PIP4K2B: variants seen among roughly 807,000 people sequenced by gnomAD.
PIP4K2B encodes phosphatidylinositol 5-phosphate 4-kinase type-2 beta.
Under a neutral mutation model 42.0 loss-of-function variants are expected in PIP4K2B, and 3 were observed. The observed-to-expected ratio is 0.07, with a 90% CI of 0.03 to 0.18. PIP4K2B has a LOEUF of 0.18. PIP4K2B is among the 10% of genes least tolerant of loss of function. The pLI, the probability that PIP4K2B is intolerant of heterozygous loss-of-function variation, is 1.00. For synonymous variants in PIP4K2B, 204 were observed against 210.1 expected (o/e 0.97, Z 0.25); for missense variants, 332 against 562.3 (o/e 0.59, Z 4.14).
At chr17:38,783,206 A>AG (rs1449659554) in intron 3 of PIP4K2B, among the ~76,000 whole-genome samples, 1 of 151,152 alleles carries the variant, frequency 6.6e-6, no homozygotes, top group East Asian at 1.9e-4. Flanking sequence ...AAAAAAAAAA[A>AG]AAAAAAAAAA....
intron 1 of PIP4K2B, among the ~76,000 whole-genome samples, chr17:38,798,284 G>C (rs1429487178): frequency 6.6e-6 from 1 of 152,148 alleles, no homozygotes; most frequent in Admixed American, 6.5e-5. Context: ...CTCATTCCTA[G>C]TGTGGGGATT....
In PIP4K2B at chr17:38,770,532, G is replaced by C. The variant is rs754092192; in HGVS notation, c.1074C>G (p.Pro358=). 1.6e-5 allele frequency: 26 copies of C among 1,583,334 alleles called. No individual in the cohort carries two copies. The highest frequency in any genetic ancestry group is 2.3e-5 in the Non-Finnish European group (26 of 1,152,858). ...TGGCCATGAAATACACCTCCTTCTT[G>C]GGGGAACCTGGAGGGACAAGGAGAG... ...VYAMKSHESS[P]KKEVYFMAII... Residue 358 remains proline, a synonymous_variant, in exon 9 of 10, where the codon CCC becomes CCG. Coordinates refer to ENST00000619039, the MANE Select transcript of PIP4K2B (RefSeq NM_003559.5).
intron 3 of PIP4K2B, among the ~76,000 whole-genome samples, chr17:38,783,068 G>T (rs572366706): frequency 6.6e-6 from 1 of 151,638 alleles, no homozygotes; most frequent in African/African-American, 2.4e-5. Context: ...GGTGGTGGGC[G>T]CCTGTAATCC....
intron 1 of PIP4K2B, among the ~76,000 whole-genome samples, chr17:38,795,446 C>A (rs1910605238): frequency 6.6e-6 from 1 of 152,014 alleles, no homozygotes; most frequent in Non-Finnish European, 1.5e-5. Context: ...GTCTCTACAA[C>A]AACAACAAAA....
intron 7 of PIP4K2B, among the ~76,000 whole-genome samples, chr17:38,773,629 G>GTTC (rs1417016764): frequency 6.6e-6 from 1 of 152,178 alleles, no homozygotes; most frequent in Non-Finnish European, 1.5e-5. Context: ...GGTCCTAACA[G>GTTC]AGAACTAGGA....
intron 7 of PIP4K2B, among the ~76,000 whole-genome samples, chr17:38,773,313 G>T (rs1481477685): frequency 6.6e-6 from 1 of 152,098 alleles, no homozygotes; most frequent in African/African-American, 2.4e-5. Flanking sequence ...AAGAATGGCA[G>T]CCAGAACCAA....
At chr17:38,784,023 G>T (rs59958314) in intron 3 of PIP4K2B, among the ~76,000 whole-genome samples, 3,583 of 152,334 alleles carry the variant, frequency 0.024, 151 homozygotes, top group African/African-American at 0.082. Flanking sequence ...CTCTGAGGGA[G>T]AGGAACCTGA....
chr17:38,778,494 G>A, intron 5 of PIP4K2B, 122 bp from the exon 6 acceptor site: 1 of 847,796 alleles, frequency 1.2e-6, no homozygotes, highest in Non-Finnish European at 2.0e-6. Context: ...GGGCCAGGAG[G>A]CAGCACCTTG....
chr17:38,767,376 C>T lies in PIP4K2B; in HGVS notation c.*2315G>A, dbSNP rs532818833. On this transcript the variant is annotated 3_prime_UTR_variant, in exon 10 of 10. Transcript: ENST00000619039. ...ACTCAAGGTTTTGAAGATAGCACAG[C>T]GAATGACCTTTAAAAAAAAAAATTG... 1.4e-5 allele frequency: 2 copies of T among 145,348 alleles called. No individual in the cohort carries two copies. Among genetic ancestry groups the T allele is most frequent in the African/African-American group, 2.6e-5 (1 of 38,968 alleles). 9.0% of individuals were successfully genotyped at this position (145,348 alleles called of 1,614,324 possible). A position where few individuals can be genotyped will look rare whatever the true frequency, so the allele number is the denominator to read the frequency against.
chr17:38,780,329 T>C (rs748461781), intron 4 of PIP4K2B, 123 bp downstream of exon 4: 36 of 751,552 alleles, frequency 4.8e-5, no homozygotes, highest in Non-Finnish European at 7.6e-5. Context: ...GTCCCACTGC[T>C]TGGTGATCAG....
chr17:38,775,838 C>G (rs1909308536), intron 7 of PIP4K2B, among the ~76,000 whole-genome samples: 1 of 151,928 alleles, frequency 6.6e-6, no homozygotes, highest in Non-Finnish European at 1.5e-5. Context: ...AGCCTGGCAA[C>G]AGAGCGAGAC....
chr17:38,794,117 G>A (rs1459056390), intron 1 of PIP4K2B, among the ~76,000 whole-genome samples: 1 of 152,154 alleles, frequency 6.6e-6, no homozygotes, highest in African/African-American at 2.4e-5. Context: ...AAGAAAATGT[G>A]GTATACATAT....
intron 7 of PIP4K2B, among the ~76,000 whole-genome samples, chr17:38,773,007 C>T (rs1001232705): frequency 6.6e-6 from 1 of 152,286 alleles, no homozygotes; most frequent in Middle Eastern, 3.4e-3. Context: ...AAAAAATTCA[C>T]GCATAGTATA....
chr17:38,769,795 C>T, intron 9 of PIP4K2B, 24 bp from the exon 10 acceptor site: 2 of 1,613,120 alleles, frequency 1.2e-6, no homozygotes, highest in Non-Finnish European at 1.7e-6. Flanking sequence ...GAGGCTGATT[C>T]AGGTTGAGTT....
intron 1 of PIP4K2B, among the ~76,000 whole-genome samples, chr17:38,798,201 C>T (rs544663940): frequency 3.3e-5 from 5 of 152,308 alleles, no homozygotes; most frequent in African/African-American, 1.2e-4. Flanking sequence ...CCACAGGAAA[C>T]CCAAGCTTGA....
At chr17:38,784,728 A>C (rs773008245) in intron 2 of PIP4K2B, among the ~76,000 whole-genome samples, 5 of 152,240 alleles carry the variant, frequency 3.3e-5, no homozygotes, top group Non-Finnish European at 1.5e-5. Flanking sequence ...ACTTTGTAAA[A>C]GTAATCCAGC....
Position 38,769,540 on chromosome 17 carries a change from C to T in PIP4K2B, c.*151G>A, listed in dbSNP as rs200057028. On this transcript the variant is annotated 3_prime_UTR_variant, in exon 10 of 10. Coordinates refer to ENST00000619039, the MANE Select transcript of PIP4K2B (RefSeq NM_003559.5). ...CCTCCTCTTCAGCTAAAGTCTCTTTCGGTGTCACAGGCTGCAGTCTCATTG... is the reference window on the plus strand; with the variant it reads ...CCTCCTCTTCAGCTAAAGTCTCTTTTGGTGTCACAGGCTGCAGTCTCATTG... 8.3e-5 allele frequency: 57 copies of T among 689,126 alleles called. No homozygotes were observed. The highest frequency in any genetic ancestry group is 8.0e-4 in the African/African-American group (46 of 57,152). 42.7% of individuals were successfully genotyped at this position (689,126 alleles called of 1,614,324 possible). A position where few individuals can be genotyped will look rare whatever the true frequency, so the allele number is the denominator to read the frequency against.
In PIP4K2B at chr17:38,780,672, C is replaced by T. The variant is rs1909653780; in HGVS notation, c.355-68G>A. The T allele has an allele frequency of 1.1e-5, 16 of 1,511,192 alleles. No homozygotes were observed. The Admixed American group carries it at 2.8e-4, about 26-fold the overall frequency. The allele number at this position is 1,511,192 out of a possible 1,614,324, so 93.6% of individuals were successfully genotyped here. A position where few individuals can be genotyped will look rare whatever the true frequency, so the allele number is the denominator to read the frequency against. On this transcript the variant is annotated intron_variant, in intron 3 of 9. Transcript: ENST00000619039. ...AGAATTCTGACTTTCGCTGAGTCTT[C>T]CCTCAGGGGCTGGACTGCTTGAAAG...
intron 7 of PIP4K2B, among the ~76,000 whole-genome samples, chr17:38,773,902 C>T (rs1389931444): frequency 6.6e-6 from 1 of 152,156 alleles, no homozygotes; most frequent in African/African-American, 2.4e-5. Flanking sequence ...AACAAATGCA[C>T]TGAGTAAACT....
Sources: gnomAD v4.1 joint callset for allele counts (sites outside exome capture counted in the v4.1 genomes callset) on GRCh38, gnomAD v4.1.1 for gene constraint, MANE v1.5 for transcripts, NCBI Gene and HGNC (gene_info 2026-07-23, HGNC 2026-07-21) for gene names.